Variants in PRSS12 observed in about 807,000 individuals in gnomAD.
PRSS12 encodes neurotrypsin.
A neutral mutation model predicts 104.4 loss-of-function variants in PRSS12; 85 were observed. The ratio of observed to expected loss-of-function variants is 0.81; its 90% CI spans 0.68 to 0.98. The LOEUF (loss-of-function observed/expected upper bound fraction) is 0.98, where lower values mean the gene tolerates loss of function less well. PRSS12 is among the 50% of genes least tolerant of loss of function. The probability of loss-of-function intolerance (pLI) is 0.00; values close to 1 mark genes in which losing one functional copy is unlikely to be tolerated. For synonymous variants in PRSS12, 454 were observed against 425.2 expected, an observed-to-expected ratio of 1.07 and a Z score of -0.83; for missense variants, 1,141 against 1,139.2, an observed-to-expected ratio of 1.00 and a Z score of -0.02.
At chr4:118,350,535 G>A (rs1724470445) in intron 1 of PRSS12, among the ~76,000 whole-genome samples, 1 of 152,100 alleles carries the variant, frequency 6.6e-6, no homozygotes, top group Non-Finnish European at 1.5e-5. Flanking sequence ...CATCTTGAGT[G>A]GTTTCTTTTG....
chr4:118,312,083 T>C (rs1743749184), intron 7 of PRSS12, among the ~76,000 whole-genome samples: 1 of 152,000 alleles, frequency 6.6e-6, no homozygotes, highest in African/African-American at 2.4e-5. Flanking sequence ...CTGCAAGAGA[T>C]GGAATAAAAA....
rs1377795264 is a variant in PRSS12, at chr4:118,333,615, A to C, written c.821-1749T>G. On this transcript the variant is annotated intron_variant, in intron 3 of 12. Transcript: ENST00000296498. ...AAAAGCTTACAAAATACAGAAAAAC[A>C]TGTATACATTTCTTAATATATTTTT... Among the ~76,000 whole-genome samples, 5 of 152,194 alleles carry C rather than the reference A, an allele frequency of 3.3e-5. No homozygotes were observed. The East Asian group carries it at 9.6e-4, about 29-fold the overall frequency.
chr4:118,285,617 G>A (rs1742995698), intron 11 of PRSS12, among the ~76,000 whole-genome samples: 1 of 151,980 alleles, frequency 6.6e-6, no homozygotes, highest in Non-Finnish European at 1.5e-5. Context: ...TCTGAATTGA[G>A]ATGTGCTGAA....
rs1191302594 is a variant in PRSS12 at position 118,318,505 on chromosome 4, TG to T, written c.1022del (p.Pro341GlnfsTer42). The T allele has an allele frequency of 1.9e-6, 3 of 1,614,154 alleles. No individual in the cohort carries two copies. Among genetic ancestry groups the T allele is most frequent in the South Asian group, 1.1e-5 (1 of 91,088 alleles). On this transcript the variant is annotated frameshift_variant, in exon 5 of 13. Transcript: ENST00000296498. LOFTEE classifies it high-confidence loss of function. Reference protein sequence around the residue: ...HQAYFGEGSGPVMLDEVRCTG... With the variant: ...HQAYFGEGSGXVMLDEVRCTG... ...TGCAGCGTACTTCATCCAACATAAC[TG>T]GGCCAGACCCTTCCCCAAAATATGC...
intron 7 of PRSS12, among the ~76,000 whole-genome samples, chr4:118,311,296 C>A (rs746205356): frequency 1.2e-4 from 18 of 152,064 alleles, no homozygotes; most frequent in Non-Finnish European, 2.4e-4. Flanking sequence ...GAGCATTTCA[C>A]CTACCACAGA....
intron 11 of PRSS12, among the ~76,000 whole-genome samples, chr4:118,287,279 G>A (rs577616314): frequency 6.5e-4 from 99 of 152,144 alleles, no homozygotes; most frequent in African/African-American, 2.2e-3. Context: ...TCAAGCAGCC[G>A]GGACCACAAG....
intron 5 of PRSS12, among the ~76,000 whole-genome samples, chr4:118,316,837 A>AAAAAAAAAATAT (rs35698159): frequency 1.0e-4 from 10 of 99,192 alleles, no homozygotes; most frequent in African/African-American, 3.1e-4. Flanking sequence ...AAAAAAAAAA[A>AAAAAAAAAATAT]ATATATATAT....
intron 1 of PRSS12, among the ~76,000 whole-genome samples, chr4:118,339,099 G>A (rs982181283): frequency 7.2e-5 from 11 of 152,072 alleles, no homozygotes; most frequent in African/African-American, 2.7e-4. Context: ...GCACCCTTAG[G>A]AAAGATAACA....
At chr4:118,328,983 G>A (rs1723852228) in intron 4 of PRSS12, among the ~76,000 whole-genome samples, 1 of 151,994 alleles carries the variant, frequency 6.6e-6, no homozygotes, top group African/African-American at 2.4e-5. Context: ...TTGTAGAGAC[G>A]GGGTTTCACC....
At position 118,338,127 on chromosome 4, in the gene PRSS12, TATTC is replaced by T. The variant is rs147217894; in HGVS notation, c.641+45_641+48del. ...CAAAGCAATGACGGGCACCCAGCAT[TATTC>T]TCAAATACTAGCTGACTGATTTGGT... is the stretch of plus-strand genomic sequence containing the variant. On this transcript the variant is annotated intron_variant, in intron 2 of 12. Coordinates refer to ENST00000296498, the MANE Select transcript of PRSS12 (RefSeq NM_003619.4). The T allele has an allele frequency of 9.9e-4, 1,588 of 1,610,166 alleles. 17 individuals are homozygous for T. The African/African-American group carries it at 0.018, about 18-fold the overall frequency.
intron 5 of PRSS12, among the ~76,000 whole-genome samples, chr4:118,317,048 A>C (rs1723461398): frequency 7.2e-6 from 1 of 139,668 alleles, no homozygotes; most frequent in Admixed American, 7.5e-5. Context: ...ATAGCTCAGA[A>C]TTTTAACTGC....
At position 118,335,518 on chromosome 4, in the gene PRSS12, A is replaced by T. The variant is rs376840946; in HGVS notation, c.775T>A (p.Cys259Ser). ...ACAGCAGCTGCCATCTTCTGAGGACACACCCCACCCTGCCAGATGTCTTTT... is the reference window on the plus strand; with the variant it reads ...ACAGCAGCTGCCATCTTCTGAGGACTCACCCCACCCTGCCAGATGTCTTTT... ...CEKDIWQGGV[C>S]PQKMAAAVTC... The change falls in exon 3 of 13, where the codon TGT becomes AGT. Residue 259 changes from cysteine (C) to serine (S), a missense_variant. By Grantham distance (112) the Cys-to-Ser change is moderately radical (BLOSUM62 -1). Transcript: ENST00000296498. 12 of 1,614,072 alleles carry T rather than the reference A, an allele frequency of 7.4e-6. No homozygotes were observed. Among genetic ancestry groups the T allele is most frequent in the Non-Finnish European group, 7.6e-6 (9 of 1,179,982 alleles).
chr4:118,352,807 G>C lies in PRSS12; in HGVS notation c.-87C>G. The C allele has an allele frequency of 1.3e-6, 2 of 1,558,804 alleles. No homozygotes were observed. Among genetic ancestry groups the C allele is most frequent in the Admixed American group, 3.8e-5 (2 of 52,018 alleles). Reference sequence around the variant, plus strand: ...AGGAGGGGGCGGGGGCGGGGCTGCCGCGTCCCTCGAATCCCCCAGCCCCCT... The same window carrying C: ...AGGAGGGGGCGGGGGCGGGGCTGCCCCGTCCCTCGAATCCCCCAGCCCCCT... On this transcript the variant is annotated 5_prime_UTR_variant, in exon 1 of 13. Coordinates refer to ENST00000296498, the MANE Select transcript of PRSS12 (RefSeq NM_003619.4).
chr4:118,313,167 T>C, intron 7 of PRSS12, 34 bp downstream of exon 7: 1 of 1,609,116 alleles, frequency 6.2e-7, no homozygotes, highest in Non-Finnish European at 8.5e-7. Context: ...GGCTACTGAA[T>C]GATGGAAACT....
intron 4 of PRSS12, among the ~76,000 whole-genome samples, chr4:118,327,950 T>C (rs1578929616): frequency 6.6e-6 from 1 of 152,146 alleles, no homozygotes; most frequent in Non-Finnish European, 1.5e-5. Flanking sequence ...ATCTCATAAA[T>C]AAACTGTAAC....
chr4:118,333,282 T>G (rs999796638), intron 3 of PRSS12, among the ~76,000 whole-genome samples: 1 of 152,218 alleles, frequency 6.6e-6, no homozygotes, highest in East Asian at 1.9e-4. Flanking sequence ...TTTTGCCAAA[T>G]ACTAATCATT....
At chr4:118,311,347 G>A (rs1187945622) in intron 7 of PRSS12, among the ~76,000 whole-genome samples, 2 of 151,974 alleles carry the variant, frequency 1.3e-5, no homozygotes, top group Non-Finnish European at 2.9e-5. Flanking sequence ...ATTTTGAGAA[G>A]TTTCCCTTGA....
intron 1 of PRSS12, among the ~76,000 whole-genome samples, chr4:118,341,653 G>C (rs991633614): frequency 1.3e-5 from 2 of 152,100 alleles, no homozygotes; most frequent in Non-Finnish European, 2.9e-5. Flanking sequence ...CTGCATTCCA[G>C]CCTGGGCAAC....
intron 3 of PRSS12, among the ~76,000 whole-genome samples, chr4:118,333,876 C>T (rs1056404487): frequency 1.3e-5 from 2 of 152,136 alleles, no homozygotes; most frequent in Non-Finnish European, 2.9e-5. Context: ...ACACAAAACT[C>T]ATTTGAAAGA....
Sources: allele counts gnomAD v4.1 joint callset (sites outside exome capture counted in the v4.1 genomes callset), GRCh38; gene constraint gnomAD v4.1.1; transcripts MANE v1.5; gene names NCBI Gene and HGNC (gene_info 2026-07-23, HGNC 2026-07-21).